Variants in CREB5 observed in about 807,000 individuals in gnomAD.
CREB5 encodes cAMP responsive element binding protein 5.
In CREB5, 19 loss-of-function variants were observed where a neutral mutation model predicts 57.1. The ratio of observed to expected loss-of-function variants is 0.33; its 90% CI spans 0.23 to 0.49. CREB5 has a LOEUF of 0.49. CREB5 is among the 20% of genes least tolerant of loss of function. CREB5 has a pLI of 0.99. For missense variants in CREB5, 579 were observed against 671.6 expected (o/e 0.86, Z 1.52); for synonymous variants, 238 against 238.3 (o/e 1.00, Z 0.01).
At chr7:28,643,766 G>GA (rs368530292) in intron 5 of CREB5, among the ~76,000 whole-genome samples, 18 of 141,948 alleles carry the variant, frequency 1.3e-4, no homozygotes, top group Non-Finnish European at 1.5e-4. Flanking sequence ...GGGGGCGGAA[G>GA]AAAAAAAAAA....
intron 4 of CREB5, among the ~76,000 whole-genome samples, chr7:28,510,807 T>A (rs1792673034): frequency 1.3e-5 from 2 of 152,228 alleles, no homozygotes; most frequent in African/African-American, 4.8e-5. Context: ...TCCATATTAA[T>A]AGAAGCTTAT....
intron 5 of CREB5, among the ~76,000 whole-genome samples, chr7:28,619,563 A>T (rs1341964250): frequency 6.6e-6 from 1 of 152,218 alleles, no homozygotes; most frequent in Non-Finnish European, 1.5e-5. Context: ...TGAGCTAGGC[A>T]TGGTGGCTCA....
At chr7:28,350,089 TG>T (rs1786157682) in intron 1 of CREB5, among the ~76,000 whole-genome samples, 2 of 152,230 alleles carry the variant, frequency 1.3e-5, no homozygotes, top group African/African-American at 4.8e-5. Flanking sequence ...CAGCCATCAT[TG>T]GTGGGATGCA....
rs187193525 is a variant in CREB5 at position 28,371,660 on chromosome 7, C to T, written c.-25+72219C>T. 4.3e-3 allele frequency among the ~76,000 whole-genome samples: 659 copies of T among 152,256 alleles called. 3 individuals carry two copies. The highest frequency in any genetic ancestry group is 0.014 in the African/African-American group (600 of 41,546). ...GGCAGCCCTGCTTCTACATCCAGGA[C>T]GGAGGCTGCCAGGTTGAAATGCCTC... is the stretch of plus-strand genomic sequence containing the variant. On this transcript the variant is annotated intron_variant, in intron 1 of 9. Transcript: ENST00000396299.
At chr7:28,584,393 G>A (rs1583665510) in intron 5 of CREB5, among the ~76,000 whole-genome samples, 2 of 152,150 alleles carry the variant, frequency 1.3e-5, no homozygotes, top group East Asian at 3.8e-4. Flanking sequence ...GAGGATTTGG[G>A]TGAGTCCTAA....
intron 5 of CREB5, among the ~76,000 whole-genome samples, chr7:28,588,635 C>A (rs1010754454): frequency 1.3e-5 from 2 of 152,176 alleles, no homozygotes; most frequent in African/African-American, 4.8e-5. Flanking sequence ...ACCTGTTTTT[C>A]TCTGGGGATA....
At chr7:28,747,109 T>C (rs1446535893) in intron 7 of CREB5, among the ~76,000 whole-genome samples, 2 of 151,886 alleles carry the variant, frequency 1.3e-5, no homozygotes, top group South Asian at 2.1e-4. Context: ...CCTGAGGCTG[T>C]TGTGGAATTC....
intron 5 of CREB5, among the ~76,000 whole-genome samples, chr7:28,653,244 A>T (rs1261811840): frequency 6.6e-6 from 1 of 152,208 alleles, no homozygotes; most frequent in African/African-American, 2.4e-5. Flanking sequence ...AGGTATATTC[A>T]CTAAACATAT....
Position 28,441,262 on chromosome 7 carries a change from G to C in CREB5, c.3+28345G>C, listed in dbSNP as rs188791067. 3.3e-5 allele frequency among the ~76,000 whole-genome samples: 5 copies of C among 152,328 alleles called. No homozygotes were observed. The East Asian group carries it at 9.6e-4, about 29-fold the overall frequency. ...TTGAAAGCTCCAAGCCCATGAGGCT[G>C]TCGAGCTGGGCCAAATGCATTCTCC... On this transcript the variant is annotated intron_variant, in intron 1 of 10. Transcript: ENST00000357727.
Position 28,820,617 on chromosome 7 carries a change from CTTTTTT to C in CREB5, c.*1339_*1344del, listed in dbSNP as rs2128810617. ...GCAGGCTACTTCACTCTTTTTTTTT[CTTTTTT>C]GAGACAGAGTCTCACCTATTGCCCA... On this transcript the variant is annotated 3_prime_UTR_variant, in exon 11 of 11. Transcript: ENST00000357727. 6.6e-6 allele frequency: 1 copy of C among 150,932 alleles called. No homozygotes were observed. The highest frequency in any genetic ancestry group is 2.1e-4 in the South Asian group (1 of 4,768). 9.3% of individuals were successfully genotyped at this position (150,932 alleles called of 1,614,324 possible). A position where few individuals can be genotyped will look rare whatever the true frequency, so the allele number is the denominator to read the frequency against.
chr7:28,588,721 G>C (rs1796388825), intron 5 of CREB5, among the ~76,000 whole-genome samples: 1 of 152,190 alleles, frequency 6.6e-6, no homozygotes, highest in South Asian at 2.1e-4. Flanking sequence ...TTCATTTGCA[G>C]CTCTGCCTAT....
chr7:28,319,552 C>T (rs1250177377), intron 1 of CREB5, among the ~76,000 whole-genome samples: 1 of 151,122 alleles, frequency 6.6e-6, no homozygotes, highest in East Asian at 2.0e-4. Context: ...TTCTAGCCCT[C>T]CATCCACACA....
At chr7:28,622,125 T>C (rs1047674352) in intron 5 of CREB5, among the ~76,000 whole-genome samples, 1 of 152,308 alleles carries the variant, frequency 6.6e-6, no homozygotes, top group African/African-American at 2.4e-5. Flanking sequence ...AGGTTTGAGA[T>C]AGTGTGCACA....
intron 5 of CREB5, among the ~76,000 whole-genome samples, chr7:28,644,199 G>A (rs1242707439): frequency 2.0e-5 from 3 of 151,822 alleles, no homozygotes; most frequent in African/African-American, 4.8e-5. Context: ...GGAAGGGAAG[G>A]GAAGGGAAGG....
chr7:28,500,488 A>G (rs1243537103), intron 3 of CREB5, among the ~76,000 whole-genome samples: 1 of 152,222 alleles, frequency 6.6e-6, no homozygotes, highest in African/African-American at 2.4e-5. Context: ...GATAGAAAGC[A>G]TCTAACATAA....
chr7:28,391,267 C>T (rs1014424480), intron 1 of CREB5, among the ~76,000 whole-genome samples: 1 of 152,146 alleles, frequency 6.6e-6, no homozygotes, highest in African/African-American at 2.4e-5. Flanking sequence ...CCTCTCTTAA[C>T]GGGTGGCGTG....
intron 1 of CREB5, among the ~76,000 whole-genome samples, chr7:28,476,562 C>T (rs541434902): frequency 6.6e-6 from 1 of 152,254 alleles, no homozygotes; most frequent in South Asian, 2.1e-4. Flanking sequence ...AGTAACTTGC[C>T]TAAGATCCCA....
At chr7:28,691,951 C>T (rs1801287915) in intron 5 of CREB5, among the ~76,000 whole-genome samples, 2 of 143,444 alleles carry the variant, frequency 1.4e-5, no homozygotes, top group African/African-American at 5.2e-5. Context: ...AGTGGATTGC[C>T]AGAGCTCAGG....
At chr7:28,769,886 G>C (rs1045200042) in intron 7 of CREB5, among the ~76,000 whole-genome samples, 3 of 152,236 alleles carry the variant, frequency 2.0e-5, no homozygotes, top group Non-Finnish European at 4.4e-5. Context: ...AGGATCACTA[G>C]AGCATTCTTC....
Sources: allele counts gnomAD v4.1 joint callset (sites outside exome capture counted in the v4.1 genomes callset), GRCh38; gene constraint gnomAD v4.1.1; transcripts MANE v1.5; gene names NCBI Gene and HGNC (gene_info 2026-07-23, HGNC 2026-07-21).